CDON: variants seen among roughly 807,000 people sequenced by gnomAD.
CDON encodes cell adhesion molecule-related/down-regulated by oncogenes.
CDON carries 73 observed loss-of-function variants against 120.9 expected under a neutral mutation model. That is an observed-to-expected ratio of 0.60 (90% CI 0.50 to 0.73). CDON has a LOEUF of 0.73. CDON is among the 30% of genes least tolerant of loss of function. CDON has a pLI of 0.00. For missense variants in CDON, 1,470 were observed against 1,587.3 expected, an observed-to-expected ratio of 0.93 and a Z score of 1.26; for synonymous variants, 566 against 573.5, an observed-to-expected ratio of 0.99 and a Z score of 0.19.
chr11:126,006,702 A>G (rs151059387), intron 8 of CDON, among the ~76,000 whole-genome samples: 357 of 152,320 alleles, frequency 2.3e-3, no homozygotes, highest in African/African-American at 8.3e-3. Context: ...CTCTCAAAAA[A>G]ATTTAAAAAG....
intron 4 of CDON, among the ~76,000 whole-genome samples, chr11:126,019,170 G>A (rs1200726388): frequency 6.6e-6 from 1 of 152,138 alleles, no homozygotes; most frequent in Non-Finnish European, 1.5e-5. Flanking sequence ...CCAGGCACAA[G>A]TGCTACGGCA....
At chr11:126,014,405 T>C (rs1947398577) in intron 7 of CDON, among the ~76,000 whole-genome samples, 2 of 152,168 alleles carry the variant, frequency 1.3e-5, no homozygotes, top group African/African-American at 4.8e-5. Context: ...ACTTTAAAAA[T>C]TGACAATGCC....
chr11:126,054,771 T>C (rs911035766), intron 1 of CDON, among the ~76,000 whole-genome samples: 1 of 152,186 alleles, frequency 6.6e-6, no homozygotes, highest in South Asian at 2.1e-4. Flanking sequence ...TCTGAGTGTT[T>C]AGTACTTGTT....
chr11:125,971,377 T>C (rs1022103289), intron 18 of CDON, among the ~76,000 whole-genome samples: 40 of 93,792 alleles, frequency 4.3e-4, no homozygotes, highest in Admixed American at 1.4e-3. Flanking sequence ...AGCGAGACTC[T>C]GTCTCTAAAT....
At chr11:125,983,464 G>A (rs1341838781) in intron 16 of CDON, among the ~76,000 whole-genome samples, 1 of 152,150 alleles carries the variant, frequency 6.6e-6, no homozygotes, top group African/African-American at 2.4e-5. Context: ...ACTTAGACAA[G>A]TTTTCACTAC....
chr11:126,005,606 T>A, intron 9 of CDON, 153 bp downstream of exon 9: 1 of 727,194 alleles, frequency 1.4e-6, no homozygotes, highest in Non-Finnish European at 2.4e-6. Context: ...GATTGGTAAA[T>A]CCAGCATGAC....
intron 1 of CDON, among the ~76,000 whole-genome samples, chr11:126,044,789 C>T (rs1013517658): frequency 3.3e-5 from 5 of 151,110 alleles, no homozygotes; most frequent in East Asian, 1.9e-4. Flanking sequence ...CTAATGGGTA[C>T]AAAAATAATT....
rs758671282 is a variant in CDON at position 126,005,805 on chromosome 11, T to G, written c.1805A>C (p.Lys602Thr). 4 of 1,613,958 alleles carry G rather than the reference T, an allele frequency of 2.5e-6. No individual in the cohort carries two copies. In the African/African-American group the frequency reaches 5.3e-5, roughly 22 times the overall value. Reference sequence around the variant, plus strand: ...AGCATTGATGGGCAGCCCACCATCCTTGCCTGCCCTCCACACCAGGTTGTA... The same window carrying G: ...AGCATTGATGGGCAGCCCACCATCCGTGCCTGCCCTCCACACCAGGTTGTA... ...DTYNLVWRAG[K>T]DGGLPINAYF... Residue 602 changes from lysine to threonine, a missense_variant, in exon 9 of 20, where the codon AAG becomes ACG. Transcript: ENST00000531738.
chr11:125,973,959 G>C, intron 18 of CDON, among the ~76,000 whole-genome samples: 1 of 151,872 alleles, frequency 6.6e-6, no homozygotes, highest in East Asian at 1.9e-4. Context: ...GCAGTGGCGT[G>C]ATCTTGGCTC....
chr11:126,061,722 T>G (rs1456653663), intron 1 of CDON, among the ~76,000 whole-genome samples: 1 of 152,218 alleles, frequency 6.6e-6, no homozygotes, highest in Non-Finnish European at 1.5e-5. Context: ...GGTGTCTGGT[T>G]TGGGACACAA....
At position 125,997,248 on chromosome 11, in the gene CDON, G is replaced by A. The variant is rs574338071; in HGVS notation, c.2321C>T (p.Pro774Leu). 1.2e-6 allele frequency: 2 copies of A among 1,614,102 alleles called. No individual in the cohort carries two copies. The highest frequency in any genetic ancestry group is 1.1e-5 in the South Asian group (1 of 91,074). ...AACTTCCACTGAAAGTTTGGAAGGA[G>A]GGATGTCTTCAGCTGCCACCAGCCA... is the stretch of plus-strand genomic sequence containing the variant. ...SNWLVAAEDI[P>L]PSKLSVEVRS... Residue 774 changes from proline to leucine, a missense_variant, in exon 12 of 20, where the codon CCT becomes CTT. Pro to Leu is a moderately conservative substitution (Grantham distance 98). Coordinates refer to ENST00000531738, the MANE Select transcript of CDON (RefSeq NM_001378964.1).
intron 17 of CDON, among the ~76,000 whole-genome samples, chr11:125,979,253 C>T (rs1156692635): frequency 6.6e-6 from 1 of 152,182 alleles, no homozygotes; most frequent in Non-Finnish European, 1.5e-5. Flanking sequence ...CTTTCCATTT[C>T]CATTCATTTC....
intron 1 of CDON, among the ~76,000 whole-genome samples, chr11:126,039,823 C>T (rs544331019): frequency 2.6e-5 from 4 of 152,110 alleles, no homozygotes; most frequent in Non-Finnish European, 5.9e-5. Flanking sequence ...CAAAATAAGC[C>T]GAACTCTTAG....
intron 18 of CDON, among the ~76,000 whole-genome samples, chr11:125,972,862 C>T (rs921087911): frequency 6.6e-6 from 1 of 150,724 alleles, no homozygotes; most frequent in African/African-American, 2.4e-5. Flanking sequence ...ATTGCAGAGG[C>T]ACCACCAGAT....
chr11:126,048,213 G>T (rs1008042782), intron 1 of CDON, among the ~76,000 whole-genome samples: 12 of 150,206 alleles, frequency 8.0e-5, no homozygotes, highest in Non-Finnish European at 1.2e-4. Context: ...GCCCTGGGAG[G>T]TGGAGTTTGC....
intron 1 of CDON, among the ~76,000 whole-genome samples, chr11:126,035,181 C>G (rs1381819258): frequency 6.6e-6 from 1 of 152,118 alleles, no homozygotes; most frequent in African/African-American, 2.4e-5. Context: ...AAAAAATCCT[C>G]AAGGAGAAAC....
chr11:125,970,045 TAA>T (rs1273419204), intron 18 of CDON, among the ~76,000 whole-genome samples: 2 of 152,230 alleles, frequency 1.3e-5, no homozygotes, highest in African/African-American at 2.4e-5. Context: ...ATTTTTGCAT[TAA>T]GTTTCCTCTT....
intron 2 of CDON, 34 bp downstream of exon 2, chr11:126,023,367 G>A (rs769241577): frequency 3.6e-6 from 5 of 1,384,434 alleles, no homozygotes; most frequent in Non-Finnish European, 5.2e-6. Flanking sequence ...GATGAGTAAA[G>A]GCCAAACCAC....
chr11:126,005,532 A>C, intron 9 of CDON: 2 of 582,132 alleles, frequency 3.4e-6, no homozygotes, highest in South Asian at 3.9e-5. Flanking sequence ...ATGTAAAGAC[A>C]TCATTGGGTT....
Sources: allele counts gnomAD v4.1 joint callset (sites outside exome capture counted in the v4.1 genomes callset), GRCh38; gene constraint gnomAD v4.1.1; transcripts MANE v1.5; gene names NCBI Gene and HGNC (gene_info 2026-07-23, HGNC 2026-07-21).